METTL23: variants seen among roughly 807,000 people sequenced by gnomAD.
METTL23 encodes histone-arginine methyltransferase METTL23.
METTL23 carries 24 observed loss-of-function variants against 21.2 expected under a neutral mutation model. The observed-to-expected ratio is 1.13, with a 90% CI of 0.82 to 1.59. METTL23 has a LOEUF of 1.59. Ranked by LOEUF, METTL23 falls within the 40% of genes most tolerant of loss-of-function variation. The pLI is 0.00. For missense variants in METTL23, 276 were observed against 221.4 expected (o/e 1.25, Z -1.57); for synonymous variants, 97 against 75.2 (o/e 1.29, Z -1.50).
At chr17:76,729,588 C>T (rs144891144) in intron 1 of METTL23, 102 bp from the exon 2 acceptor site, 2 of 765,380 alleles carry the variant, frequency 2.6e-6, no homozygotes, top group Non-Finnish European at 4.4e-6. Flanking sequence ...ACAGGGCTGC[C>T]ATTTTTGTAA....
chr17:76,727,260 G>T (rs985455625), intron 1 of METTL23, 82 bp downstream of exon 1: 1 of 348,516 alleles, frequency 2.9e-6, no homozygotes, highest in Non-Finnish European at 5.7e-6. Context: ...TGAGGGACCG[G>T]GGGTGCGGAC....
rs769932906 is a variant in METTL23, at chr17:76,733,083, C to G, written c.190C>G (p.Gln64Glu). The change falls in exon 3 of 5, where the codon CAA (glutamine) becomes GAA (glutamate). Residue 64 changes from glutamine (Q) to glutamate (E), a missense_variant. By Grantham distance (29) the Gln-to-Glu change is conservative. Coordinates refer to ENST00000341249, the MANE Select transcript of METTL23 (RefSeq NM_001080510.5). ...ELPHCLEVCR[Q>E]SCQMNNLPHL... ...GCCTCACTGTCTGGAAGTCTGTCGG[C>G]AAAGCTGCCAAATGAATAACCTGCC... 3 of 1,610,674 alleles carry G rather than the reference C, an allele frequency of 1.9e-6. No homozygotes were observed. The highest frequency in any genetic ancestry group is 2.5e-6 in the Non-Finnish European group (3 of 1,178,334).
chr17:76,727,896 C>T (rs2077016941), intron 1 of METTL23, among the ~76,000 whole-genome samples: 1 of 152,106 alleles, frequency 6.6e-6, no homozygotes, highest in Non-Finnish European at 1.5e-5. Context: ...TGCCTGTCTT[C>T]GGTTTTTCAA....
intron 2 of METTL23, 96 bp from the exon 3 acceptor site, chr17:76,732,882 T>C (rs746395603): frequency 1.9e-6 from 2 of 1,034,882 alleles, no homozygotes; most frequent in Non-Finnish European, 2.9e-6. Flanking sequence ...CTATGCTTAT[T>C]TAAAAATGCA....
At chr17:76,729,571 TTGG>T (rs1391658167) in intron 1 of METTL23, 116 bp from the exon 2 acceptor site, 1 of 658,896 alleles carries the variant, frequency 1.5e-6, no homozygotes, top group African/African-American at 1.8e-5. Flanking sequence ...AGGTCGTGGA[TTGG>T]TGAACAGGGC....
At chr17:76,732,740 GCC>G (rs1568014113) in intron 2 of METTL23, 4 of 561,658 alleles carry the variant, frequency 7.1e-6, no homozygotes, top group Non-Finnish European at 1.3e-5. Flanking sequence ...ACGATACATG[GCC>G]CTTTAATATT....
intron 1 of METTL23, 32 bp from the exon 2 acceptor site, chr17:76,729,658 T>G (rs1411189605): frequency 3.5e-6 from 5 of 1,423,022 alleles, no homozygotes; most frequent in Non-Finnish European, 4.8e-6. Flanking sequence ...AGCAGCTAAA[T>G]TATTTATGGC....
Position 76,733,164 on chromosome 17 carries a change from C to G in METTL23, c.271C>G (p.Leu91Val), listed in dbSNP as rs746117702. ...TCATATATCTTGGGATCTTCTGGCT[C>G]TACCACCACAAGATATTATCCTTGC... ...WGHISWDLLA[L>V]PPQDIILASD... The change falls in exon 3 of 5, where the codon CTA becomes GTA. Residue 91 changes from leucine (L) to valine (V), a missense_variant. Physicochemically the swap from Leu to Val is conservative, Grantham distance 32. Transcript: ENST00000341249. 13 of 1,613,824 alleles carry G rather than the reference C, an allele frequency of 8.1e-6. No homozygotes were observed. The highest frequency in any genetic ancestry group is 3.3e-4 in the Middle Eastern group (2 of 6,084).
intron 1 of METTL23, 99 bp downstream of exon 1, chr17:76,727,277 C>T: frequency 2.9e-6 from 1 of 348,132 alleles, no homozygotes; most frequent in Non-Finnish European, 5.7e-6. Flanking sequence ...GGACGCTCAG[C>T]TGCGCAGCTT....
intron 1 of METTL23, 157 bp downstream of exon 1, chr17:76,727,335 T>A: frequency 3.0e-6 from 1 of 335,776 alleles, no homozygotes; most frequent in South Asian, 2.3e-5. Flanking sequence ...TATGAAGCCC[T>A]TCGGTGCATT....
Position 76,733,348 on chromosome 17 carries a change from C to G in METTL23, c.378C>G (p.Val126=). 1.2e-6 allele frequency: 2 copies of G among 1,613,902 alleles called. No individual in the cohort carries two copies. Among genetic ancestry groups the G allele is most frequent in the Non-Finnish European group, 1.7e-6 (2 of 1,179,878 alleles). ...IYFLMHKNPK[V]QLWSTYQVRS... is the part of the protein sequence containing the mutation. Reference sequence around the variant, plus strand: ...TTTTGATGCACAAGAATCCCAAGGTCCAATTGTGGTCTACTTATCAAGTTA... The same window carrying G: ...TTTTGATGCACAAGAATCCCAAGGTGCAATTGTGGTCTACTTATCAAGTTA... The change falls in exon 4 of 5, where the codon GTC becomes GTG. Residue 126 remains valine, a synonymous_variant. Transcript: ENST00000341249.
intron 1 of METTL23, among the ~76,000 whole-genome samples, chr17:76,727,786 A>C (rs1364837687): frequency 6.6e-6 from 1 of 152,200 alleles, no homozygotes; most frequent in Non-Finnish European, 1.5e-5. Context: ...GCTGGAGCGC[A>C]GTGGCGCGAT....
At chr17:76,731,219 C>G (rs58048053) in intron 2 of METTL23, among the ~76,000 whole-genome samples, 4,304 of 151,656 alleles carry the variant, frequency 0.028, 206 homozygotes, top group African/African-American at 0.095. Context: ...AGGCTGCAGT[C>G]AGCTGAGATT....
At chr17:76,732,496 C>CA (rs35371040) in intron 2 of METTL23, among the ~76,000 whole-genome samples, 8,065 of 139,802 alleles carry the variant, frequency 0.058, 577 homozygotes, top group African/African-American at 0.18. Flanking sequence ...CAAACGCTCT[C>CA]AAAAAAAAAA....
At chr17:76,733,427 A>C (rs1236389774) in intron 4 of METTL23, 50 bp downstream of exon 4, 1 of 1,601,348 alleles carries the variant, frequency 6.2e-7, no homozygotes, top group East Asian at 2.2e-5. Context: ...GCCTTACTCT[A>C]CCCTACCCAT....
Position 76,733,610 on chromosome 17 carries a change from A to T in METTL23, c.497A>T (p.Asp166Val). The T allele has an allele frequency of 6.2e-7, 1 of 1,613,950 alleles. No individual in the cohort carries two copies. The highest frequency in any genetic ancestry group is 8.5e-7 in the Non-Finnish European group (1 of 1,179,854). Residue 166 changes from aspartate to valine, a missense_variant, in exon 5 of 5, where the codon GAT (aspartate) becomes GTT (valine). Asp to Val is a radical substitution (Grantham distance 152). Coordinates refer to ENST00000341249, the MANE Select transcript of METTL23 (RefSeq NM_001080510.5). Reference sequence around the variant, plus strand: ...GAGTCTTTTGATGCAGACAAAGAAGATATAGCAGAATCTACCCTTCCAGGA... The same window carrying T: ...GAGTCTTTTGATGCAGACAAAGAAGTTATAGCAGAATCTACCCTTCCAGGA... ...PLESFDADKE[D>V]IAESTLPGRH...
At position 76,733,818 on chromosome 17, in the gene METTL23, T is replaced by A. The variant is rs1598419542; in HGVS notation, c.*132T>A. On this transcript the variant is annotated 3_prime_UTR_variant, in exon 5 of 5. Transcript: ENST00000341249. ...GGTCAAGTCTGTTTGCCTTAGATTT[T>A]GATGTCACCTAGACAACACTTAAAC... is the stretch of plus-strand genomic sequence containing the variant. 2.8e-6 allele frequency: 2 copies of A among 702,666 alleles called. No homozygotes were observed. Among genetic ancestry groups the A allele is most frequent in the African/African-American group, 3.6e-5 (2 of 55,640 alleles). The allele number at this position is 702,666 out of a possible 1,614,324, so 43.5% of individuals were successfully genotyped here. A position where few individuals can be genotyped will look rare whatever the true frequency, so the allele number is the denominator to read the frequency against.
At chr17:76,729,099 A>G (rs555273446) in intron 1 of METTL23, among the ~76,000 whole-genome samples, 3 of 111,940 alleles carry the variant, frequency 2.7e-5, no homozygotes, top group Non-Finnish European at 5.6e-5. Flanking sequence ...ACGCCCGGCC[A>G]TTTTTTTTTG....
At chr17:76,729,231 A>G (rs1309568547) in intron 1 of METTL23, among the ~76,000 whole-genome samples, 1 of 151,870 alleles carries the variant, frequency 6.6e-6, no homozygotes, top group Non-Finnish European at 1.5e-5. Context: ...GGCACGTGCC[A>G]CCATGCCCGG....
Sources: allele counts gnomAD v4.1 joint callset (sites outside exome capture counted in the v4.1 genomes callset), GRCh38; gene constraint gnomAD v4.1.1; transcripts MANE v1.5; gene names NCBI Gene and HGNC (gene_info 2026-07-23, HGNC 2026-07-21).